The following UGT1A9 variants were observed in gnomAD, a reference collection of about 807,000 sequenced individuals.
UGT1A9 encodes the protein UDP-glucuronosyltransferase 1A9.
A neutral mutation model predicts 45.0 loss-of-function variants in UGT1A9; 35 were observed. That is an observed-to-expected ratio of 0.78 (90% CI 0.59 to 1.03). The LOEUF is 1.03. Ranked by LOEUF, UGT1A9 falls within the 50% of genes least tolerant of loss-of-function variation. The pLI is 0.00. For synonymous variants in UGT1A9, 278 were observed against 250.6 expected (o/e 1.11, Z -1.03); for missense variants, 687 against 666.6 (o/e 1.03, Z -0.34).
chr2:233,772,895 C>T lies in UGT1A9; in HGVS notation c.*336C>T. 1 of 493,846 alleles carries T rather than the reference C, an allele frequency of 2.0e-6. No homozygotes were observed. The highest frequency in any genetic ancestry group is 3.3e-6 in the Non-Finnish European group (1 of 304,584). 30.6% of individuals were successfully genotyped at this position (493,846 alleles called of 1,614,324 possible). A position where few individuals can be genotyped will look rare whatever the true frequency, so the allele number is the denominator to read the frequency against. ...GGAGTGCGGGATTCAAAGGTGGTCC[C>T]ACGGCTGCCCCTACTGCAAATGGCA... On this transcript the variant is annotated 3_prime_UTR_variant, in exon 5 of 5. Transcript: ENST00000354728.
intron 1 of UGT1A9, among the ~76,000 whole-genome samples, chr2:233,676,749 C>G (rs2074369956): frequency 6.6e-6 from 1 of 152,106 alleles, no homozygotes; most frequent in African/African-American, 2.4e-5. Flanking sequence ...CGTGGTAAAA[C>G]TGGGTTTATA....
At position 233,772,912 on chromosome 2, in the gene UGT1A9, CAAA is replaced by C. The variant is rs1449737327; in HGVS notation, c.*354_*356del. 1 of 388,968 alleles carries C rather than the reference CAAA, an allele frequency of 2.6e-6. No homozygotes were observed. Among genetic ancestry groups the C allele is most frequent in the Non-Finnish European group, 4.5e-6 (1 of 221,772 alleles). The allele number at this position is 388,968 out of a possible 1,614,324, so 24.1% of individuals were successfully genotyped here. On this transcript the variant is annotated 3_prime_UTR_variant, in exon 5 of 5. Transcript: ENST00000354728. ...GGTGGTCCCACGGCTGCCCCTACTG[CAAA>C]TGGCAGTTTTAATCTTATCTTTTGG...
At chr2:233,768,470 G>T (rs371026350) in intron 4 of UGT1A9, 31 bp downstream of exon 4, 1 of 1,602,728 alleles carries the variant, frequency 6.2e-7, no homozygotes, top group Non-Finnish European at 8.5e-7. Context: ...GAATACTTTG[G>T]TCATGGCATT....
intron 1 of UGT1A9, among the ~76,000 whole-genome samples, chr2:233,748,399 G>T (rs1575689614): frequency 6.6e-6 from 1 of 151,790 alleles, no homozygotes; most frequent in East Asian, 1.9e-4. Context: ...AAGGAGCAGG[G>T]ACACTACATT....
At chr2:233,755,117 C>T (rs1274976698) in intron 1 of UGT1A9, 1 of 1,330,518 alleles carries the variant, frequency 7.5e-7, no homozygotes, top group Admixed American at 1.9e-5. Flanking sequence ...CCTCGTAGGC[C>T]TCAGCCACCT....
intron 1 of UGT1A9, among the ~76,000 whole-genome samples, chr2:233,686,175 C>T (rs1190850906): frequency 6.6e-6 from 1 of 151,750 alleles, no homozygotes; most frequent in Non-Finnish European, 1.5e-5. Context: ...AATAGAAAAT[C>T]TAAAACTGTA....
intron 1 of UGT1A9, chr2:233,753,481 C>G (rs1199479898): frequency 6.6e-6 from 1 of 152,192 alleles, no homozygotes; most frequent in African/African-American, 2.4e-5. Flanking sequence ...TACCAGCATG[C>G]TGCTCTTAAT....
At position 233,772,362 on chromosome 2, in the gene UGT1A9, A is replaced by C. The variant is rs1400939614; in HGVS notation, c.1396A>C (p.Lys466Gln). 6.2e-7 allele frequency: 1 copy of C among 1,614,242 alleles called. No individual in the cohort carries two copies. The highest frequency in any genetic ancestry group is 2.2e-5 in the East Asian group (1 of 44,878). Reference sequence around the variant, plus strand: ...CTGGGTGGAGTTTGTGATGAGGCACAAGGGCGCGCCACACCTGCGCCCCGC... The same window carrying C: ...CTGGGTGGAGTTTGTGATGAGGCACCAGGGCGCGCCACACCTGCGCCCCGC... ...VFWVEFVMRH[K>Q]GAPHLRPAAH... The change falls in exon 5 of 5, where the codon AAG (lysine) becomes CAG (glutamine). Residue 466 changes from lysine to glutamine, a missense_variant. Physicochemically the swap from Lys to Gln is moderately conservative, Grantham distance 53. Coordinates refer to ENST00000354728, the MANE Select transcript of UGT1A9 (RefSeq NM_021027.3).
At chr2:233,719,047 C>A in intron 1 of UGT1A9, 2 of 1,614,252 alleles carry the variant, frequency 1.2e-6, no homozygotes, top group Non-Finnish European at 1.7e-6. Flanking sequence ...AAATTTTTCA[C>A]CCTGACAGCC....
At chr2:233,763,477 G>T (rs553290095) in intron 1 of UGT1A9, among the ~76,000 whole-genome samples, 67 of 152,208 alleles carry the variant, frequency 4.4e-4, no homozygotes, top group South Asian at 2.7e-3. Context: ...TAATAGATTT[G>T]ATTGTAACTC....
At chr2:233,739,481 A>C (rs1429465625) in intron 1 of UGT1A9, among the ~76,000 whole-genome samples, 1 of 152,208 alleles carries the variant, frequency 6.6e-6, no homozygotes, top group Non-Finnish European at 1.5e-5. Flanking sequence ...GTGGGAGCCC[A>C]TTTCTGGCAT....
chr2:233,684,715 A>G (rs2074695143), intron 1 of UGT1A9, among the ~76,000 whole-genome samples: 1 of 151,992 alleles, frequency 6.6e-6, no homozygotes, highest in East Asian at 1.9e-4. Flanking sequence ...ATTAATGTAT[A>G]TATTTATAAA....
intron 1 of UGT1A9, among the ~76,000 whole-genome samples, chr2:233,733,320 C>T (rs2078379887): frequency 6.6e-6 from 1 of 152,134 alleles, no homozygotes; most frequent in African/African-American, 2.4e-5. Flanking sequence ...TGCCTGATTG[C>T]CCTGGCCAGA....
At chr2:233,741,211 A>C (rs764528916) in intron 1 of UGT1A9, among the ~76,000 whole-genome samples, 2 of 151,912 alleles carry the variant, frequency 1.3e-5, no homozygotes, top group African/African-American at 4.9e-5. Context: ...AACTAGCCAG[A>C]GTTGTTACAG....
At position 233,713,313 on chromosome 2, in the gene UGT1A9, A is replaced by T. The variant is rs766255913; in HGVS notation, c.855+40524A>T. On this transcript the variant is annotated intron_variant, in intron 1 of 4. Transcript: ENST00000354728. ...GTTCTTTGAAACAGAACATCTTCTG[A>T]TGAAATTTTCTAGAAGAATGGCAAT... is the stretch of plus-strand genomic sequence containing the variant. 7 of 1,614,222 alleles carry T rather than the reference A, an allele frequency of 4.3e-6. No homozygotes were observed. The Admixed American group carries it at 1.0e-4, about 23-fold the overall frequency.
chr2:233,691,989 T>C (rs1304927281), intron 1 of UGT1A9: 1 of 152,252 alleles, frequency 6.6e-6, no homozygotes, highest in African/African-American at 2.4e-5. Context: ...CCTAAGTTTA[T>C]GTAAAGGAGA....
chr2:233,719,706 A>G (rs1314284418), intron 1 of UGT1A9: 4 of 1,614,008 alleles, frequency 2.5e-6, no homozygotes, highest in Non-Finnish European at 3.4e-6. Flanking sequence ...TGGTGCCTTC[A>G]TCCAATCAAT....
At chr2:233,731,174 T>A (rs1363213399) in intron 1 of UGT1A9, among the ~76,000 whole-genome samples, 2 of 152,202 alleles carry the variant, frequency 1.3e-5, no homozygotes, top group Admixed American at 6.5e-5. Context: ...ATGATTTTTT[T>A]ATGCAATGTA....
At chr2:233,767,242 A>G in intron 2 of UGT1A9, 77 bp downstream of exon 2, 1 of 1,606,336 alleles carries the variant, frequency 6.2e-7, no homozygotes, top group African/African-American at 1.3e-5. Context: ...TTCCAGATTA[A>G]TTCTCTTAAT....
Sources: allele counts gnomAD v4.1 joint callset (sites outside exome capture counted in the v4.1 genomes callset), GRCh38; gene constraint gnomAD v4.1.1; transcripts MANE v1.5; gene names NCBI Gene and HGNC (gene_info 2026-07-23, HGNC 2026-07-21).